VAMP8: variants seen among roughly 807,000 people sequenced by gnomAD.
The protein encoded by VAMP8 is vesicle associated membrane protein 8.
In VAMP8, 9 loss-of-function variants were observed where a neutral mutation model predicts 11.4. The ratio of observed to expected loss-of-function variants is 0.79; its 90% CI spans 0.48 to 1.38. VAMP8 has a LOEUF of 1.38. Ranked by LOEUF, VAMP8 falls within the 40% of genes most tolerant of loss-of-function variation. The pLI is 0.00. For missense variants in VAMP8, 108 were observed against 127.8 expected (o/e 0.85, Z 0.75); for synonymous variants, 42 against 44.7 (o/e 0.94, Z 0.24).
intron 1 of VAMP8, among the ~76,000 whole-genome samples, chr2:85,578,509 G>A (rs979666975): frequency 5.3e-5 from 8 of 152,210 alleles, no homozygotes; most frequent in African/African-American, 1.2e-4. Flanking sequence ...GGCCAGGGCC[G>A]TGCTCCGGCA....
intron 2 of VAMP8, among the ~76,000 whole-genome samples, chr2:85,580,057 T>C (rs1672344302): frequency 1.3e-5 from 2 of 152,040 alleles, no homozygotes; most frequent in South Asian, 4.1e-4. Flanking sequence ...GTTCAAACGA[T>C]TCTCGTGCCT....
Position 85,581,671 on chromosome 2 carries a change from C to T in VAMP8, c.258C>T (p.Ile86=). 3.1e-6 allele frequency: 5 copies of T among 1,614,126 alleles called. No individual in the cohort carries two copies. Among genetic ancestry groups the T allele is most frequent in the Non-Finnish European group, 4.2e-6 (5 of 1,180,018 alleles). The change falls in exon 3 of 3, where the codon ATC becomes ATT. Residue 86 remains isoleucine, a synonymous_variant. Transcript: ENST00000263864. ...TCCTTATCTGCGTGATTGTTTTTAT[C>T]ATCATCCTCTTCATTGTGCTCTTTG... ...MIVLICVIVF[I]IILFIVLFAT...
intron 1 of VAMP8, 122 bp downstream of exon 1, chr2:85,577,771 C>A: frequency 7.4e-7 from 1 of 1,345,484 alleles, no homozygotes. Flanking sequence ...TGGGCCAGTG[C>A]TGCTATGGCC....
In VAMP8 at chr2:85,577,587, C is replaced by T; in HGVS notation, c.-60C>T. On this transcript the variant is annotated 5_prime_UTR_variant, in exon 1 of 3. Transcript: ENST00000263864. ...CAAGCAGGAAGTGAACTGAGGGCCA[C>T]CCTGGGAGGAAGCCGACTAGGCGAA... 6.4e-7 allele frequency: 1 copy of T among 1,551,534 alleles called. No individual in the cohort carries two copies. The highest frequency in any genetic ancestry group is 8.7e-7 in the Non-Finnish European group (1 of 1,146,914).
chr2:85,577,965 C>T (rs1052583543), intron 1 of VAMP8, among the ~76,000 whole-genome samples: 9 of 152,322 alleles, frequency 5.9e-5, no homozygotes, highest in African/African-American at 1.4e-4. Context: ...GAGCCCGAGG[C>T]GGGTGTTGTG....
intron 1 of VAMP8, 49 bp downstream of exon 1, chr2:85,577,698 G>A: frequency 6.4e-7 from 1 of 1,551,594 alleles, no homozygotes; most frequent in South Asian, 1.2e-5. Flanking sequence ...AGGAGCCAGA[G>A]GGGGCTTGGG....
At chr2:85,581,251 G>C (rs536884634) in intron 2 of VAMP8, among the ~76,000 whole-genome samples, 1 of 152,098 alleles carries the variant, frequency 6.6e-6, no homozygotes, top group Non-Finnish European at 1.5e-5. Context: ...AGGCCAAGGC[G>C]AGTGGATCAC....
At chr2:85,580,101 C>G (rs538369555) in intron 2 of VAMP8, among the ~76,000 whole-genome samples, 1 of 151,940 alleles carries the variant, frequency 6.6e-6, no homozygotes, top group Admixed American at 6.6e-5. Context: ...ACAGTGTGCA[C>G]CCCCACACCT....
Position 85,582,016 on chromosome 2 carries a change from C to T in VAMP8, c.*300C>T, listed in dbSNP as rs921010190. ...GTTGGTGGCCAGTGGGTAATAAAGA[C>T]CTTTCAGTATCCCTATATGTGTGAG... On this transcript the variant is annotated 3_prime_UTR_variant, in exon 3 of 3. Coordinates refer to ENST00000263864, the MANE Select transcript of VAMP8 (RefSeq NM_003761.5). The T allele has an allele frequency of 5.3e-6, 2 of 375,168 alleles. No homozygotes were observed. Among genetic ancestry groups the T allele is most frequent in the East Asian group, 5.0e-5 (1 of 20,170 alleles). The allele number at this position is 375,168 out of a possible 1,614,324, so 23.2% of individuals were successfully genotyped here.
chr2:85,580,010 A>G, intron 2 of VAMP8: 1 of 1,361,084 alleles, frequency 7.3e-7, no homozygotes. Context: ...GGTTAGAGTG[A>G]GTGCAATCTT....
At chr2:85,578,177 GT>G (rs1672313322) in intron 1 of VAMP8, among the ~76,000 whole-genome samples, 1 of 152,216 alleles carries the variant, frequency 6.6e-6, no homozygotes, top group Non-Finnish European at 1.5e-5. Flanking sequence ...TTGGTTCTCT[GT>G]GATAATGTAG....
Position 85,581,847 on chromosome 2 carries a change from GC to G in VAMP8, c.*134del. 1 of 1,295,444 alleles carries G rather than the reference GC, an allele frequency of 7.7e-7. No individual in the cohort carries two copies. The highest frequency in any genetic ancestry group is 1.1e-6 in the Non-Finnish European group (1 of 935,552). 80.2% of individuals were successfully genotyped at this position (1,295,444 alleles called of 1,614,324 possible). A position where few individuals can be genotyped will look rare whatever the true frequency, so the allele number is the denominator to read the frequency against. ...CGGTCCTCCTACCCCTCTTCCCGAG[GC>G]CCTGCTGCCATGTTGTATGCCCCAG... is the stretch of plus-strand genomic sequence containing the variant. On this transcript the variant is annotated 3_prime_UTR_variant, in exon 3 of 3. Coordinates refer to ENST00000263864, the MANE Select transcript of VAMP8 (RefSeq NM_003761.5).
chr2:85,581,754 G>A lies in VAMP8; in HGVS notation c.*38G>A, dbSNP rs1475418559. 13 of 1,612,350 alleles carry A rather than the reference G, an allele frequency of 8.1e-6. No homozygotes were observed. Among genetic ancestry groups the A allele is most frequent in the Non-Finnish European group, 1.0e-5 (12 of 1,179,020 alleles). ...CTCTCCCACCTGCCCTTCTCTTCAGGGACAACCCTCCATAAATGTGTGCCA... is the reference window on the plus strand; with the variant it reads ...CTCTCCCACCTGCCCTTCTCTTCAGAGACAACCCTCCATAAATGTGTGCCA... On this transcript the variant is annotated 3_prime_UTR_variant, in exon 3 of 3. Coordinates refer to ENST00000263864, the MANE Select transcript of VAMP8 (RefSeq NM_003761.5).
chr2:85,578,943 G>A, intron 1 of VAMP8, 66 bp from the exon 2 acceptor site: 1 of 1,550,974 alleles, frequency 6.4e-7, no homozygotes. Context: ...ACCCTCCCCA[G>A]ATCTCTGAGC....
In VAMP8 at chr2:85,577,606, A is replaced by T. The variant is rs1282492298; in HGVS notation, c.-41A>T. The T allele has an allele frequency of 1.9e-6, 3 of 1,551,778 alleles. No homozygotes were observed. The highest frequency in any genetic ancestry group is 1.2e-5 in the South Asian group (1 of 84,064). ...GGGCCACCCTGGGAGGAAGCCGACT[A>T]GGCGAATTCACTTACTGACCGGCCT... On this transcript the variant is annotated 5_prime_UTR_variant, in exon 1 of 3. Coordinates refer to ENST00000263864, the MANE Select transcript of VAMP8 (RefSeq NM_003761.5).
intron 2 of VAMP8, among the ~76,000 whole-genome samples, chr2:85,580,767 A>G (rs1297753150): frequency 1.3e-5 from 2 of 150,032 alleles, no homozygotes; most frequent in Non-Finnish European, 3.0e-5. Context: ...CCCAGGTTCA[A>G]GTGATTCTCC....
intron 1 of VAMP8, among the ~76,000 whole-genome samples, chr2:85,578,580 C>T (rs1257509568): frequency 6.6e-6 from 1 of 152,138 alleles, no homozygotes; most frequent in Non-Finnish European, 1.5e-5. Flanking sequence ...CCAGCACAGA[C>T]ACTTTCAACC....
rs1331026438 is a variant in VAMP8, at chr2:85,581,843, C to T, written c.*127C>T. ...TGCTCGGTCCTCCTACCCCTCTTCC[C>T]GAGGCCCTGCTGCCATGTTGTATGC... is the stretch of plus-strand genomic sequence containing the variant. On this transcript the variant is annotated 3_prime_UTR_variant, in exon 3 of 3. Transcript: ENST00000263864. The T allele has an allele frequency of 1.5e-5, 20 of 1,328,254 alleles. No individual in the cohort carries two copies. The highest frequency in any genetic ancestry group is 4.6e-5 in the East Asian group (2 of 43,194). 82.3% of individuals were successfully genotyped at this position (1,328,254 alleles called of 1,614,324 possible).
rs1672384014 is a variant in VAMP8 at position 85,581,797 on chromosome 2, G to A, written c.*81G>A. 1.3e-6 allele frequency: 2 copies of A among 1,571,982 alleles called. No homozygotes were observed. Among genetic ancestry groups the A allele is most frequent in the African/African-American group, 2.7e-5 (2 of 73,848 alleles). ...GTGTGCCAAGAGGGTCTCCTTTCCT[G>A]TCTTCCTCTACAGAGAATGCTGCTC... On this transcript the variant is annotated 3_prime_UTR_variant, in exon 3 of 3. Coordinates refer to ENST00000263864, the MANE Select transcript of VAMP8 (RefSeq NM_003761.5).
Sources: allele counts gnomAD v4.1 joint callset (sites outside exome capture counted in the v4.1 genomes callset), GRCh38; gene constraint gnomAD v4.1.1; transcripts MANE v1.5; gene names NCBI Gene and HGNC (gene_info 2026-07-23, HGNC 2026-07-21).